PDE8B: variants seen among roughly 807,000 people sequenced by gnomAD.
The protein encoded by PDE8B is phosphodiesterase 8B.
In PDE8B, 26 loss-of-function variants were observed where a neutral mutation model predicts 101.3. That is an observed-to-expected ratio of 0.26 (90% CI 0.19 to 0.36). The LOEUF is 0.36. Among genes scored for constraint, PDE8B ranks in the 10% least tolerant of loss-of-function variants. The pLI, the probability that PDE8B is intolerant of heterozygous loss-of-function variation, is 1.00. For missense variants in PDE8B, 810 were observed against 1,163.1 expected (o/e 0.70, Z 4.42); for synonymous variants, 424 against 429.3 (o/e 0.99, Z 0.15).
At chr5:77,153,381 T>C in the PDE8B span, among the ~76,000 whole-genome samples, 1 of 152,226 alleles carries the variant, frequency 6.6e-6, no homozygotes, top group African/African-American at 2.4e-5. Context: ...TACCTATTTG[T>C]GCAATGAATG....
At chr5:77,115,416 A>G in the PDE8B span, 2 of 152,210 alleles carry the variant, frequency 1.3e-5, no homozygotes, top group African/African-American at 4.8e-5. Flanking sequence ...GAAACATTTC[A>G]TCTTTCTGAT....
chr5:77,175,994 G>A, the PDE8B span, among the ~76,000 whole-genome samples: 1 of 152,206 alleles, frequency 6.6e-6, no homozygotes, highest in Non-Finnish European at 1.5e-5. Context: ...CCTCATCAGT[G>A]AAACCAGAAT....
At chr5:77,095,542 C>T in the PDE8B span, among the ~76,000 whole-genome samples, 11 of 152,164 alleles carry the variant, frequency 7.2e-5, no homozygotes, top group Non-Finnish European at 1.3e-4. Context: ...CAGTGAGAAT[C>T]GTGTGAGCTG....
At chr5:77,279,530 T>A (rs1764545537) in intron 1 of PDE8B, among the ~76,000 whole-genome samples, 1 of 152,202 alleles carries the variant, frequency 6.6e-6, no homozygotes, top group African/African-American at 2.4e-5. Context: ...CCTCTTTTTT[T>A]AAAAGCCAAC....
intron 1 of PDE8B, among the ~76,000 whole-genome samples, chr5:77,260,698 A>G (rs1760391848): frequency 6.8e-6 from 1 of 146,470 alleles, no homozygotes; most frequent in Non-Finnish European, 1.5e-5. Flanking sequence ...GTCAATTCTC[A>G]CGCCTCAGCC....
At chr5:77,268,849 C>G (rs1049795318) in intron 1 of PDE8B, among the ~76,000 whole-genome samples, 1 of 150,126 alleles carries the variant, frequency 6.7e-6, no homozygotes, top group Non-Finnish European at 1.5e-5. Context: ...AATGTGGTAA[C>G]ATTTTCTTTA....
chr5:77,286,122 G>A (rs1028454881), intron 1 of PDE8B, among the ~76,000 whole-genome samples: 3 of 152,164 alleles, frequency 2.0e-5, no homozygotes, highest in African/African-American at 7.2e-5. Flanking sequence ...CATGGGCATT[G>A]TGAATGATAT....
chr5:77,160,067 G>T, the PDE8B span, among the ~76,000 whole-genome samples: 1 of 152,086 alleles, frequency 6.6e-6, no homozygotes, highest in Non-Finnish European at 1.5e-5. Flanking sequence ...GGGAATGCAG[G>T]CATGCCCACC....
chr5:77,097,758 C>A, the PDE8B span, among the ~76,000 whole-genome samples: 2 of 61,668 alleles, frequency 3.2e-5, no homozygotes, highest in Admixed American at 1.5e-4. Flanking sequence ...GCTAAAGCTA[C>A]TGTATAAACC....
intron 1 of PDE8B, among the ~76,000 whole-genome samples, chr5:77,288,488 T>G (rs1398007314): frequency 6.6e-6 from 1 of 152,232 alleles, no homozygotes; most frequent in Non-Finnish European, 1.5e-5. Context: ...TCTCTAGTTA[T>G]TCTTATTGGA....
chr5:77,228,097 T>C (rs1029034895), intron 1 of PDE8B, among the ~76,000 whole-genome samples: 1 of 152,176 alleles, frequency 6.6e-6, no homozygotes, highest in African/African-American at 2.4e-5. Flanking sequence ...GGAGAAAATC[T>C]TCCAAGCTTA....
chr5:77,420,732 A>G (rs953449673), intron 19 of PDE8B, among the ~76,000 whole-genome samples: 6 of 152,164 alleles, frequency 3.9e-5, no homozygotes, highest in Admixed American at 3.3e-4. Context: ...GAAGACTTAC[A>G]GGAGCAAGGA....
At chr5:77,369,539 G>A (rs1784725840) in intron 10 of PDE8B, among the ~76,000 whole-genome samples, 1 of 152,166 alleles carries the variant, frequency 6.6e-6, no homozygotes, top group Non-Finnish European at 1.5e-5. Flanking sequence ...AAATAATGAA[G>A]TGTAATACAA....
chr5:77,296,018 A>T (rs937828463), intron 1 of PDE8B, among the ~76,000 whole-genome samples: 5 of 152,164 alleles, frequency 3.3e-5, no homozygotes, highest in African/African-American at 1.2e-4. Context: ...GGACTAGCCC[A>T]AGTCAAATGA....
At position 77,218,343 on chromosome 5, in the gene PDE8B, G is replaced by A. The variant is rs1229543452; in HGVS notation, c.339+7079G>A. Among the ~76,000 whole-genome samples the A allele has an allele frequency of 6.6e-5, 10 of 152,166 alleles. No individual in the cohort carries two copies. The East Asian group carries it at 1.5e-3, about 23-fold the overall frequency. On this transcript the variant is annotated intron_variant, in intron 1 of 21. Coordinates refer to ENST00000264917, the MANE Select transcript of PDE8B (RefSeq NM_003719.5). ...TTCCCTGTTCTGCTATGAGCTACAC[G>A]TTATTATTTTCACTTTAGAAAAGAG...
intron 10 of PDE8B, among the ~76,000 whole-genome samples, chr5:77,371,105 A>T (rs1581296903): frequency 6.6e-6 from 1 of 152,314 alleles, no homozygotes; most frequent in Middle Eastern, 3.4e-3. Context: ...TTCATTTAAC[A>T]GTATATTTTA....
intron 1 of PDE8B, among the ~76,000 whole-genome samples, chr5:77,242,911 C>T (rs1409831567): frequency 6.6e-6 from 1 of 152,162 alleles, no homozygotes. Flanking sequence ...TGTGATCCGC[C>T]TGTCTCGGCC....
chr5:77,426,271 A>G, intron 21 of PDE8B, 174 bp from the exon 22 acceptor site: 4 of 647,834 alleles, frequency 6.2e-6, no homozygotes, highest in Non-Finnish European at 8.3e-6. Context: ...CAGCTTTTCA[A>G]AAAGGACCTG....
chr5:77,277,190 G>C (rs901257723), intron 1 of PDE8B, among the ~76,000 whole-genome samples: 1 of 152,150 alleles, frequency 6.6e-6, no homozygotes, highest in African/African-American at 2.4e-5. Context: ...TAAATACTAT[G>C]AATGTTTCTT....
Sources: gnomAD v4.1 joint callset for allele counts (sites outside exome capture counted in the v4.1 genomes callset) on GRCh38, gnomAD v4.1.1 for gene constraint, MANE v1.5 for transcripts, NCBI Gene and HGNC (gene_info 2026-07-23, HGNC 2026-07-21) for gene names.